ROS1: variants seen among roughly 807,000 people sequenced by gnomAD.
The protein encoded by ROS1 is proto-oncogene tyrosine-protein kinase ROS.
In ROS1, 263 loss-of-function variants were observed where a neutral mutation model predicts 273.5. That is an observed-to-expected ratio of 0.96 (90% confidence interval 0.87 to 1.06). The LOEUF is 1.06. Ranked by LOEUF, ROS1 falls within the 50% of genes least tolerant of loss-of-function variation. The pLI, the probability that ROS1 is intolerant of heterozygous loss-of-function variation, is 0.00. For missense variants in ROS1, 2,833 were observed against 2,751.1 expected (o/e 1.03, Z -0.67); for synonymous variants, 1,008 against 954.1 (o/e 1.06, Z -1.04).
chr6:117,289,910 T>C (rs2128522468), intron 43 of ROS1, among the ~76,000 whole-genome samples: 1 of 152,300 alleles, frequency 6.6e-6, no homozygotes, highest in East Asian at 1.9e-4. Context: ...TAAGAATAAC[T>C]TGGTATATGT....
Position 117,400,983 on chromosome 6 carries a change from C to T in ROS1, c.604+2156G>A, listed in dbSNP as rs561799501. On this transcript the variant is annotated intron_variant, in intron 7 of 43. Coordinates refer to ENST00000368507, the MANE Select transcript of ROS1 (RefSeq NM_001378902.1). ...TTTTGCTTGGCCAAAACAGAACTGA[C>T]GATTTTATCTAGGAAAGCCACTCCT... 9.2e-5 allele frequency among the ~76,000 whole-genome samples: 14 copies of T among 152,286 alleles called. 1 individual carries two copies. The highest frequency in any genetic ancestry group is 6.2e-4 in the South Asian group (3 of 4,814).
chr6:117,318,304 G>A lies in ROS1; in HGVS notation c.5923-52C>T, dbSNP rs1404650637. On this transcript the variant is annotated intron_variant, in intron 37 of 43. Coordinates refer to ENST00000368507, the MANE Select transcript of ROS1 (RefSeq NM_001378902.1). ...ATCAGTATAGCAGACATTTCTGTGA[G>A]CTCAGTGGGTTAATGGAGATTGTTC... is the stretch of plus-strand genomic sequence containing the variant. 3 of 1,309,206 alleles carry A rather than the reference G, an allele frequency of 2.3e-6. No homozygotes were observed. The African/African-American group carries it at 4.3e-5, about 19-fold the overall frequency. The allele number at this position is 1,309,206 out of a possible 1,614,324, so 81.1% of individuals were successfully genotyped here.
chr6:117,401,803 TAAA>T (rs35593860), intron 7 of ROS1, among the ~76,000 whole-genome samples: 3 of 89,178 alleles, frequency 3.4e-5, no homozygotes, highest in Non-Finnish European at 6.6e-5. Context: ...AACTTTTCAG[TAAA>T]AAAAAAAAAA....
At chr6:117,404,676 G>T (rs897221691) in intron 5 of ROS1, among the ~76,000 whole-genome samples, 3 of 152,076 alleles carry the variant, frequency 2.0e-5, no homozygotes, top group African/African-American at 4.8e-5. Context: ...TTCAGGTTTT[G>T]CTTTTACAGG....
At chr6:117,348,400 C>T (rs983929593) in intron 27 of ROS1, among the ~76,000 whole-genome samples, 3 of 151,844 alleles carry the variant, frequency 2.0e-5, no homozygotes, top group African/African-American at 7.2e-5. Flanking sequence ...CTTGATTATC[C>T]TTTTAATCTC....
intron 4 of ROS1, among the ~76,000 whole-genome samples, chr6:117,413,975 T>A (rs1178726174): frequency 6.6e-6 from 1 of 150,620 alleles, no homozygotes; most frequent in Non-Finnish European, 1.5e-5. Context: ...AGTGAGACTG[T>A]GAGAAGAAAG....
chr6:117,346,785 A>C (rs578070996), intron 27 of ROS1, among the ~76,000 whole-genome samples: 2 of 152,232 alleles, frequency 1.3e-5, no homozygotes, highest in South Asian at 4.1e-4. Context: ...ATTAGAGTTC[A>C]GTTTTGTATT....
intron 43 of ROS1, among the ~76,000 whole-genome samples, chr6:117,294,171 G>A (rs1774039128): frequency 6.6e-6 from 1 of 152,038 alleles, no homozygotes; most frequent in African/African-American, 2.4e-5. Flanking sequence ...AATAATAGAG[G>A]TTATATATGA....
chr6:117,418,645 T>C, intron 1 of ROS1, 139 bp from the exon 2 acceptor site: 1 of 565,602 alleles, frequency 1.8e-6, no homozygotes. Context: ...CCAAATGTTT[T>C]AGAGGCATTA....
At chr6:117,309,047 G>T (rs1041606323) in intron 41 of ROS1, 119 bp from the exon 42 acceptor site, 6 of 962,622 alleles carry the variant, frequency 6.2e-6, no homozygotes, top group Non-Finnish European at 7.6e-6. Flanking sequence ...TGTATTATTG[G>T]CCTCATAAAA....
At chr6:117,377,434 C>T (rs1781428782) in intron 18 of ROS1, among the ~76,000 whole-genome samples, 1 of 151,812 alleles carries the variant, frequency 6.6e-6, no homozygotes, top group Non-Finnish European at 1.5e-5. Context: ...ATAAAGGTCC[C>T]AAAGCAACTA....
intron 11 of ROS1, 120 bp from the exon 12 acceptor site, chr6:117,393,441 C>T (rs564438853): frequency 4.2e-5 from 28 of 668,988 alleles, no homozygotes; most frequent in Admixed American, 3.4e-4. Context: ...GAGCACTGCC[C>T]AAGACAAATG....
At chr6:117,338,547 A>T (rs1777652953) in intron 31 of ROS1, among the ~76,000 whole-genome samples, 1 of 151,936 alleles carries the variant, frequency 6.6e-6, no homozygotes, top group Non-Finnish European at 1.5e-5. Flanking sequence ...GCCAAAAAAA[A>T]AAAGTCTTAA....
chr6:117,404,284 G>A lies in ROS1; in HGVS notation c.461C>T (p.Thr154Ile), dbSNP rs961074372. The part of the protein sequence containing the change: ...YAQLLGSWTY[T>I]KTVSRPSYVV... Reference sequence around the variant, plus strand: ...TACAAAGGCAGCCTTTCATACCTTAGTATAAGTCCAGCTTCCCAGAAGTTG... The same window carrying A: ...TACAAAGGCAGCCTTTCATACCTTAATATAAGTCCAGCTTCCCAGAAGTTG... Residue 154 changes from threonine to isoleucine, a missense_variant, in exon 6 of 44, where the codon ACT (threonine) becomes ATT (isoleucine). By Grantham distance (89) the Thr-to-Ile change is moderately conservative. Transcript: ENST00000368507. 3.7e-6 allele frequency: 6 copies of A among 1,613,586 alleles called. No individual in the cohort carries two copies. The African/African-American group carries it at 6.7e-5, about 18-fold the overall frequency.
chr6:117,361,107 A>T (rs1779765030), intron 22 of ROS1, among the ~76,000 whole-genome samples: 1 of 152,140 alleles, frequency 6.6e-6, no homozygotes, highest in Non-Finnish European at 1.5e-5. Context: ...ACAATGACGT[A>T]TGTAGAAACT....
At position 117,401,803 on chromosome 6, in the gene ROS1, T is replaced by TAAAAAAAA. The variant is rs35593860; in HGVS notation, c.604+1328_604+1335dup. Among the ~76,000 whole-genome samples, 39 of 89,162 alleles carry TAAAAAAAA rather than the reference T, an allele frequency of 4.4e-4. 1 individual carries two copies. Among genetic ancestry groups the TAAAAAAAA allele is most frequent in the East Asian group, 9.2e-4 (3 of 3,272 alleles). The allele number at this position is 89,162 out of a possible 152,430, so 58.5% of individuals were successfully genotyped here. A position where few individuals can be genotyped will look rare whatever the true frequency, so the allele number is the denominator to read the frequency against. ...ATACAAAAAATAACAAACTTTTCAG[T>TAAAAAAAA]AAAAAAAAAAAAAAAAAAAAACAGG... On this transcript the variant is annotated intron_variant, in intron 7 of 43. Coordinates refer to ENST00000368507, the MANE Select transcript of ROS1 (RefSeq NM_001378902.1).
rs3086754 is a variant in ROS1, at chr6:117,287,917, C to CAA, written c.*573_*574dup. Among the ~76,000 whole-genome samples, 2 of 129,566 alleles carry CAA rather than the reference C, an allele frequency of 1.5e-5. No homozygotes were observed. The highest frequency in any genetic ancestry group is 3.3e-5 in the Non-Finnish European group (2 of 61,020). The allele number at this position is 129,566 out of a possible 152,430, so 85.0% of individuals were successfully genotyped here. On this transcript the variant is annotated 3_prime_UTR_variant, in exon 44 of 44. Transcript: ENST00000368507. ...TGGGCAACAGAGCAAGACTTCGTCT[C>CAA]AAAAAAAAAAAAAAAAAATTAAAAA...
At chr6:117,360,047 G>A (rs2128649326) in intron 23 of ROS1, 36 bp from the exon 24 acceptor site, 1 of 1,541,248 alleles carries the variant, frequency 6.5e-7, no homozygotes, top group Non-Finnish European at 8.9e-7. Context: ...ATATGCATGA[G>A]AAAACTGACT....
At chr6:117,360,777 AAT>A (rs1194821712) in intron 22 of ROS1, among the ~76,000 whole-genome samples, 6 of 151,882 alleles carry the variant, frequency 4.0e-5, no homozygotes, top group African/African-American at 1.4e-4. Context: ...GTACAGCTTG[AAT>A]ATATATATAT....
Sources: allele counts gnomAD v4.1 joint callset (sites outside exome capture counted in the v4.1 genomes callset), GRCh38; gene constraint gnomAD v4.1.1; transcripts MANE v1.5; gene names NCBI Gene and HGNC (gene_info 2026-07-23, HGNC 2026-07-21).